NHS: variants seen among roughly 807,000 people sequenced by gnomAD.
NHS encodes the protein NHS actin remodeling regulator.
NHS carries 5 observed loss-of-function variants against 72.5 expected under a neutral mutation model. The ratio of observed to expected loss-of-function variants is 0.07; its 90% CI spans 0.04 to 0.14. NHS has a LOEUF of 0.14. NHS is among the 10% of genes least tolerant of loss of function. The pLI is 1.00. For synonymous variants in NHS, 464 were observed against 547.7 expected (o/e 0.85, Z 2.13); for missense variants, 1,072 against 1,355.7 (o/e 0.79, Z 3.29).
At chrX:17,530,434 T>C (rs1015444197) in intron 1 of NHS, among the ~76,000 whole-genome samples, 1 of 111,321 alleles carries the variant, frequency 9.0e-6, no homozygotes, top group African/African-American at 3.3e-5. Flanking sequence ...AGGTGGATAG[T>C]CCCTTAACCT....
intron 8 of NHS, among the ~76,000 whole-genome samples, chrX:17,729,013 G>C (rs1290241246): frequency 8.9e-6 from 1 of 112,412 alleles, no homozygotes; most frequent in Non-Finnish European, 1.9e-5. Context: ...TTTTGTAAGA[G>C]TGGCTTTATT....
chrX:17,647,644 C>A (rs1353883307), intron 1 of NHS, among the ~76,000 whole-genome samples: 2 of 112,462 alleles, frequency 1.8e-5, no homozygotes, highest in Non-Finnish European at 3.8e-5. Context: ...CATAGTTCTT[C>A]TTGGCCCACA....
chrX:17,419,714 C>A (rs933407503), intron 1 of NHS, among the ~76,000 whole-genome samples: 2 of 111,333 alleles, frequency 1.8e-5, no homozygotes, highest in African/African-American at 6.5e-5. Flanking sequence ...GAATCGCCCA[C>A]CTCAAGGATC....
At chrX:17,699,943 T>C (rs771802339) in intron 3 of NHS, among the ~76,000 whole-genome samples, 26 of 110,837 alleles carry the variant, frequency 2.3e-4, no homozygotes, top group Non-Finnish European at 4.0e-4. Flanking sequence ...GTAAAGGAAA[T>C]CAAAAGACAA....
intron 5 of NHS, among the ~76,000 whole-genome samples, chrX:17,723,710 T>G (rs762314944): frequency 9.9e-6 from 1 of 100,640 alleles, no homozygotes; most frequent in African/African-American, 3.6e-5. Context: ...CTGTTGAGTT[T>G]CCTCACAGCA....
intron 1 of NHS, among the ~76,000 whole-genome samples, chrX:17,378,844 G>T (rs1460295142): frequency 9.0e-6 from 1 of 111,710 alleles, no homozygotes. Flanking sequence ...ATGGCTTCTG[G>T]GTCTTGCCCC....
rs1450028389 is a variant in NHS at position 17,376,086 on chromosome X, C to T, written c.329C>T (p.Ser110Phe). The change falls in exon 1 of 9, where the codon TCC becomes TTC. Residue 110 changes from serine (S) to phenylalanine (F), a missense_variant. Ser to Phe is a radical substitution (Grantham distance 155). Coordinates refer to ENST00000676302, the MANE Select transcript of NHS (RefSeq NM_001291867.2). ...GCGGCGCCCGCAGCCGGCGAGGCGTCCTCGGCGGCGGCGGCGGCGGCCGTG... is the reference window on the plus strand; with the variant it reads ...GCGGCGCCCGCAGCCGGCGAGGCGTTCTCGGCGGCGGCGGCGGCGGCCGTG... ...PEAAPAAGEA[S>F]SAAAAAAVLL... 1 of 1,081,607 alleles carries T rather than the reference C, an allele frequency of 9.2e-7. No homozygotes were observed. Among genetic ancestry groups the T allele is most frequent in the Non-Finnish European group, 1.2e-6 (1 of 839,612 alleles). The allele number at this position is 1,081,607 out of a possible 1,213,427, so 89.1% of individuals were successfully genotyped here. A position where few individuals can be genotyped will look rare whatever the true frequency, so the allele number is the denominator to read the frequency against.
chrX:17,589,791 C>T (rs2065594198), intron 1 of NHS, among the ~76,000 whole-genome samples: 1 of 111,840 alleles, frequency 8.9e-6, no homozygotes, highest in Non-Finnish European at 1.9e-5. Flanking sequence ...AGTTTACATT[C>T]CCACCAGCAG....
intron 1 of NHS, among the ~76,000 whole-genome samples, chrX:17,471,930 C>T (rs1363076186): frequency 9.0e-6 from 1 of 111,395 alleles, no homozygotes; most frequent in Non-Finnish European, 1.9e-5. Context: ...TTGATGGGAG[C>T]TCCATATCTA....
At chrX:17,584,817 C>T (rs1463203123) in intron 1 of NHS, among the ~76,000 whole-genome samples, 10 of 111,586 alleles carry the variant, frequency 9.0e-5, no homozygotes, top group Non-Finnish European at 1.9e-4. Flanking sequence ...CACTTAAAGA[C>T]GAGAGCTATA....
In NHS at chrX:17,552,701, C is replaced by T. The variant is rs147950734; in HGVS notation, c.566-135041C>T. Among the ~76,000 whole-genome samples, 576 of 111,893 alleles carry T rather than the reference C, an allele frequency of 5.1e-3. 5 individuals carry two copies. Among genetic ancestry groups the T allele is most frequent in the Admixed American group, 0.012 (127 of 10,595 alleles). ...TAGTGCCTGCCACCCCAGTATTATC[C>T]GAAGAATCGGAAGGCAGAGCGATGC... On this transcript the variant is annotated intron_variant, in intron 1 of 8. Transcript: ENST00000676302.
At position 17,393,847 on chromosome X, in the gene NHS, G is replaced by A. The variant is rs144931513; in HGVS notation, c.565+17525G>A. ...GAGCCTTGGATGTCTGATCTGAGATGGAGCAACCCCAGCTAGACAGAACTT... is the reference window on the plus strand; with the variant it reads ...GAGCCTTGGATGTCTGATCTGAGATAGAGCAACCCCAGCTAGACAGAACTT... On this transcript the variant is annotated intron_variant, in intron 1 of 8. Transcript: ENST00000676302. Among the ~76,000 whole-genome samples, 134 of 111,634 alleles carry A rather than the reference G, an allele frequency of 1.2e-3. 1 individual carries two copies. The highest frequency in any genetic ancestry group is 1.9e-3 in the Non-Finnish European group (103 of 53,120).
At chrX:17,534,436 G>A (rs1252323951) in intron 1 of NHS, among the ~76,000 whole-genome samples, 1 of 110,886 alleles carries the variant, frequency 9.0e-6, no homozygotes, top group African/African-American at 3.3e-5. Flanking sequence ...GACCTAGGTG[G>A]CTCTTGGTGG....
intron 1 of NHS, among the ~76,000 whole-genome samples, chrX:17,637,892 T>C: frequency 8.9e-6 from 1 of 112,049 alleles, no homozygotes; most frequent in Admixed American, 9.5e-5. Flanking sequence ...ATTTCCCCAA[T>C]CTGGAGGAAG....
At chrX:17,431,303 C>A (rs981685845) in intron 1 of NHS, among the ~76,000 whole-genome samples, 2 of 111,484 alleles carry the variant, frequency 1.8e-5, no homozygotes, top group African/African-American at 6.5e-5. Flanking sequence ...GGGATTCCTA[C>A]GAAATATGAC....
At position 17,402,174 on chromosome X, in the gene NHS, A is replaced by G. The variant is rs1413544715; in HGVS notation, c.565+25852A>G. ...CCCATTGGGAAGGATAAAATAAAAA[A>G]GGCAGACAATAGTAAGTGTTGGTGA... On this transcript the variant is annotated intron_variant, in intron 1 of 8. Coordinates refer to ENST00000676302, the MANE Select transcript of NHS (RefSeq NM_001291867.2). 2.7e-5 allele frequency among the ~76,000 whole-genome samples: 3 copies of G among 112,046 alleles called. No homozygotes were observed. In the East Asian group the frequency reaches 8.4e-4, roughly 32 times the overall value.
chrX:17,517,015 G>A (rs779133787), intron 1 of NHS, among the ~76,000 whole-genome samples: 2 of 112,184 alleles, frequency 1.8e-5, no homozygotes, highest in African/African-American at 6.5e-5. Flanking sequence ...AGTGGAAGAC[G>A]TCTGTCCCTG....
intron 3 of NHS, among the ~76,000 whole-genome samples, chrX:17,704,432 C>T (rs1345807659): frequency 9.1e-6 from 1 of 110,359 alleles, no homozygotes; most frequent in Non-Finnish European, 1.9e-5. Context: ...TCCCGAGTAG[C>T]TGGGATTACA....
chrX:17,713,162 G>A (rs926804459), intron 3 of NHS, among the ~76,000 whole-genome samples: 1 of 111,692 alleles, frequency 9.0e-6, no homozygotes, highest in East Asian at 2.8e-4. Context: ...TGTGAAGAAG[G>A]CATTGTCAGG....
Sources: gnomAD v4.1 joint callset for allele counts (sites outside exome capture counted in the v4.1 genomes callset) on GRCh38, gnomAD v4.1.1 for gene constraint, MANE v1.5 for transcripts, NCBI Gene and HGNC (gene_info 2026-07-23, HGNC 2026-07-21) for gene names.